RIMBP2: variants seen among roughly 807,000 people sequenced by gnomAD.
The protein encoded by RIMBP2 is RIMS binding protein 2.
In RIMBP2, 48 loss-of-function variants were observed where a neutral mutation model predicts 118.6. The observed-to-expected ratio is 0.40, with a 90% CI of 0.32 to 0.51. The LOEUF is 0.51. Among genes scored for constraint, RIMBP2 ranks in the 20% least tolerant of loss-of-function variants. The pLI, the probability that RIMBP2 is intolerant of heterozygous loss-of-function variation, is 0.41. For synonymous variants in RIMBP2, 762 were observed against 742.9 expected (o/e 1.03, Z -0.42); for missense variants, 1,551 against 1,768.3 (o/e 0.88, Z 2.20).
chr12:130,596,853 T>G lies in RIMBP2; in HGVS notation c.-217+31469A>C, dbSNP rs2059590554. Among the ~76,000 whole-genome samples, 3 of 152,340 alleles carry G rather than the reference T, an allele frequency of 2.0e-5. No individual in the cohort carries two copies. The South Asian group carries it at 6.2e-4, about 32-fold the overall frequency. On this transcript the variant is annotated intron_variant, in intron 2 of 22. Transcript: ENST00000690449. Reference sequence around the variant, plus strand: ...TTCTACAAAAATAACTCACATTAAATGGATGAATTTCGTGGAAGATACAAA... The same window carrying G: ...TTCTACAAAAATAACTCACATTAAAGGGATGAATTTCGTGGAAGATACAAA...
intron 1 of RIMBP2, among the ~76,000 whole-genome samples, chr12:130,673,977 G>T (rs1399729342): frequency 6.6e-6 from 1 of 151,718 alleles, no homozygotes; most frequent in Non-Finnish European, 1.5e-5. Flanking sequence ...AATTAGCCAG[G>T]TGGCGTAGCA....
intron 2 of RIMBP2, among the ~76,000 whole-genome samples, chr12:130,522,341 C>A (rs1387233304): frequency 3.3e-5 from 5 of 152,194 alleles, no homozygotes. Context: ...TGGACAGGGC[C>A]AGAGGTGCTA....
intron 3 of RIMBP2, among the ~76,000 whole-genome samples, chr12:130,507,873 T>C (rs777419080): frequency 3.9e-5 from 6 of 152,204 alleles, no homozygotes; most frequent in Non-Finnish European, 8.8e-5. Flanking sequence ...CTATTTCAAA[T>C]ACATTCTGTA....
chr12:130,418,228 CTAAAA>C (rs1377438269), intron 17 of RIMBP2, among the ~76,000 whole-genome samples: 3 of 152,234 alleles, frequency 2.0e-5, no homozygotes, highest in African/African-American at 4.8e-5. Flanking sequence ...AATGCCTAAT[CTAAAA>C]TGTCAGTAAT....
At chr12:130,489,850 A>C (rs2048457507) in intron 4 of RIMBP2, among the ~76,000 whole-genome samples, 1 of 152,206 alleles carries the variant, frequency 6.6e-6, no homozygotes, top group Non-Finnish European at 1.5e-5. Context: ...TCACTCTTTC[A>C]AAATGCGTGT....
At chr12:130,412,881 A>G (rs1393342731) in intron 18 of RIMBP2, 94 bp from the exon 19 acceptor site, 1 of 1,143,018 alleles carries the variant, frequency 8.7e-7, no homozygotes, top group Non-Finnish European at 1.2e-6. Flanking sequence ...AGTCGAAAAT[A>G]TATTTTAAAT....
chr12:130,715,258 A>T (rs555085251), intron 1 of RIMBP2, among the ~76,000 whole-genome samples: 1 of 151,650 alleles, frequency 6.6e-6, no homozygotes, highest in African/African-American at 2.4e-5. Context: ...CACCCTAAGA[A>T]CCTCCAGGGA....
At chr12:130,671,341 T>C (rs7137925) in intron 1 of RIMBP2, among the ~76,000 whole-genome samples, 7,843 of 152,270 alleles carry the variant, frequency 0.052, 312 homozygotes, top group African/African-American at 0.11. Context: ...CCCAAGAGGA[T>C]GTCCCTAACA....
At position 130,646,346 on chromosome 12, in the gene RIMBP2, A is replaced by T. The variant is rs61936801; in HGVS notation, c.-351-17890T>A. Among the ~76,000 whole-genome samples the T allele has an allele frequency of 3.9e-3, 195 of 50,246 alleles. 20 individuals are homozygous for T. Among genetic ancestry groups the T allele is most frequent in the Admixed American group, 4.5e-3 (26 of 5,784 alleles). The allele number at this position is 50,246 out of a possible 152,430, so 33.0% of individuals were successfully genotyped here. On this transcript the variant is annotated intron_variant, in intron 1 of 22. Coordinates refer to ENST00000690449, the MANE Select transcript of RIMBP2 (RefSeq NM_001393629.1). Reference sequence around the variant, plus strand: ...CTCCACCTGCCTCACCACCTCCCTCACCACCTCCCTCACCACCTCCCTCAC... The same window carrying T: ...CTCCACCTGCCTCACCACCTCCCTCTCCACCTCCCTCACCACCTCCCTCAC...
In RIMBP2 at chr12:130,442,293, C is replaced by A; in HGVS notation, c.1059G>T (p.Val353=). ...TGAGGTTCATGCGTGTCTCCTTGTC[C>A]ACCAGGACGTTGTAGCTGCTCACCG... is the stretch of plus-strand genomic sequence containing the variant. ...WGTVSSYNVL[V]DKETRMNLTL... Residue 353 remains valine, a synonymous_variant, in exon 11 of 23, where the codon GTG becomes GTT. Transcript: ENST00000690449. This position sits in a 1 kb window ranked among gnomAD's most constrained non-coding sequence, Gnocchi z 6.9. 6.2e-7 allele frequency: 1 copy of A among 1,614,232 alleles called. No homozygotes were observed. The highest frequency in any genetic ancestry group is 8.5e-7 in the Non-Finnish European group (1 of 1,180,052).
chr12:130,604,302 A>C (rs1290314335), intron 2 of RIMBP2, among the ~76,000 whole-genome samples: 3 of 151,776 alleles, frequency 2.0e-5, no homozygotes, highest in African/African-American at 4.8e-5. Context: ...AAAAAAAAAA[A>C]AAAAAACCTC....
At chr12:130,714,959 A>C (rs1041019393) in intron 1 of RIMBP2, among the ~76,000 whole-genome samples, 41 of 152,238 alleles carry the variant, frequency 2.7e-4, no homozygotes, top group African/African-American at 9.1e-4. Flanking sequence ...TGTTCCCCTT[A>C]GAAACCGGGT....
At chr12:130,542,067 A>G (rs543500916) in intron 2 of RIMBP2, among the ~76,000 whole-genome samples, 1 of 150,416 alleles carries the variant, frequency 6.6e-6, no homozygotes, top group Admixed American at 6.9e-5. Flanking sequence ...TAGAACTCAC[A>G]TCCTTATTGG....
rs573050900 is a variant in RIMBP2, at chr12:130,531,132, A to G, written c.-216-13215T>C. Among the ~76,000 whole-genome samples the G allele has an allele frequency of 4.4e-4, 67 of 152,376 alleles. 1 individual carries two copies. In the South Asian group the frequency reaches 0.012, roughly 26 times the overall value. On this transcript the variant is annotated intron_variant, in intron 2 of 22. Coordinates refer to ENST00000690449, the MANE Select transcript of RIMBP2 (RefSeq NM_001393629.1). ...TCAAGTGATATATCTATGGCCATAG[A>G]AATCAGACAAAATTCCTTTCCAGAT...
At chr12:130,632,144 T>C (rs1222016255) in intron 1 of RIMBP2, among the ~76,000 whole-genome samples, 3 of 152,240 alleles carry the variant, frequency 2.0e-5, no homozygotes, top group Non-Finnish European at 4.4e-5. Context: ...GAGACGTTTC[T>C]AACCAGATCA....
intron 1 of RIMBP2, among the ~76,000 whole-genome samples, chr12:130,663,368 T>C (rs1196126410): frequency 6.6e-6 from 1 of 151,928 alleles, no homozygotes; most frequent in African/African-American, 2.4e-5. Flanking sequence ...CAAATCCACA[T>C]GTCTGGCCAA....
In RIMBP2 at chr12:130,407,837, G is replaced by C. The variant is rs767549449; in HGVS notation, c.3590-8C>G. The C allele has an allele frequency of 4.3e-6, 7 of 1,610,000 alleles. No homozygotes were observed. Among genetic ancestry groups the C allele is most frequent in the Non-Finnish European group, 3.4e-6 (4 of 1,176,282 alleles). ...CACTTCTCCTGCTTCTCTCTGTTCA[G>C]ATCACAAGGGGGAAAGAAATCCATC... is the stretch of plus-strand genomic sequence containing the variant. On this transcript the variant is annotated splice_region_variant and splice_polypyrimidine_tract_variant and intron_variant, in intron 19 of 22. Transcript: ENST00000690449.
intron 14 of RIMBP2, among the ~76,000 whole-genome samples, chr12:130,433,270 T>G (rs1160245935): frequency 3.9e-5 from 6 of 152,166 alleles, no homozygotes; most frequent in African/African-American, 1.4e-4. Context: ...AAAGAGCCAA[T>G]TCCACCTCAT....
At chr12:130,624,666 A>G (rs1566391968) in intron 2 of RIMBP2, among the ~76,000 whole-genome samples, 1 of 152,238 alleles carries the variant, frequency 6.6e-6, no homozygotes, top group East Asian at 1.9e-4. Context: ...CAAATCTGAC[A>G]AGGTAAAATA....
Sources: gnomAD v4.1 joint callset for allele counts (sites outside exome capture counted in the v4.1 genomes callset) on GRCh38, gnomAD v4.1.1 for gene constraint, Gnocchi (gnomAD v3.1) non-coding constraint, MANE v1.5 for transcripts, NCBI Gene and HGNC (gene_info 2026-07-23, HGNC 2026-07-21) for gene names.